The following WDR70 variants were observed in gnomAD, a reference collection of about 807,000 sequenced individuals.
WDR70 encodes WD repeat domain 70.
WDR70 carries 53 observed loss-of-function variants against 88.6 expected under a neutral mutation model. That is an observed-to-expected ratio of 0.60 (90% confidence interval 0.48 to 0.75). The LOEUF (loss-of-function observed/expected upper bound fraction) is 0.75. Ranked by LOEUF, WDR70 falls within the 30% of genes least tolerant of loss-of-function variation. WDR70 has a pLI of 0.00. For missense variants in WDR70, 610 were observed against 823.2 expected (o/e 0.74, Z 3.17); for synonymous variants, 280 against 270.0 (o/e 1.04, Z -0.36).
At chr5:37,413,292 G>A (rs1476093395) in intron 5 of WDR70, among the ~76,000 whole-genome samples, 1 of 152,164 alleles carries the variant, frequency 6.6e-6, no homozygotes, top group African/African-American at 2.4e-5. Flanking sequence ...TATAAATAAT[G>A]TCTTCTACAG....
At chr5:37,569,480 C>T (rs1399441174) in intron 9 of WDR70, among the ~76,000 whole-genome samples, 1 of 152,078 alleles carries the variant, frequency 6.6e-6, no homozygotes, top group African/African-American at 2.4e-5. Context: ...GTTTTAATGT[C>T]CTTTGATAAT....
intron 9 of WDR70, among the ~76,000 whole-genome samples, chr5:37,534,084 G>A (rs780560544): frequency 6.6e-6 from 1 of 152,156 alleles, no homozygotes; most frequent in Admixed American, 6.5e-5. Flanking sequence ...ATCCAGGGCT[G>A]CAAGACCTGA....
intron 10 of WDR70, among the ~76,000 whole-genome samples, chr5:37,629,889 C>T (rs939345744): frequency 1.2e-4 from 18 of 151,796 alleles, no homozygotes; most frequent in Non-Finnish European, 2.2e-4. Context: ...ATCTGGTGGT[C>T]GCCTCTTCCA....
chr5:37,528,526 G>A (rs2112297634), intron 9 of WDR70, among the ~76,000 whole-genome samples: 1 of 152,222 alleles, frequency 6.6e-6, no homozygotes, highest in South Asian at 2.1e-4. Flanking sequence ...TATACCTAAT[G>A]TAAATGATGA....
chr5:37,499,587 T>TTTTCTCTCTCTCTCTCTCTTTCTCTC (rs1554144047), intron 8 of WDR70, among the ~76,000 whole-genome samples: 3 of 41,866 alleles, frequency 7.2e-5, no homozygotes, highest in African/African-American at 1.8e-4. Flanking sequence ...TTTGGAAATA[T>TTTTCTCTCTCTCTCTCTCTTTCTCTC]TCTCTCTCTC....
In WDR70 at chr5:37,563,761, G is replaced by T. The variant is rs569305719; in HGVS notation, c.918-41303G>T. 1.0e-3 allele frequency among the ~76,000 whole-genome samples: 116 copies of T among 114,838 alleles called. 1 individual carries two copies. The highest frequency in any genetic ancestry group is 2.0e-3 in the East Asian group (7 of 3,586). The allele number at this position is 114,838 out of a possible 152,430, so 75.3% of individuals were successfully genotyped here. A position where few individuals can be genotyped will look rare whatever the true frequency, so the allele number is the denominator to read the frequency against. Reference sequence around the variant, plus strand: ...GCTGCCGGGCGGAGATGCTCCTCACGTCCCAGACGGAGTGGCTGCCGGGCG... The same window carrying T: ...GCTGCCGGGCGGAGATGCTCCTCACTTCCCAGACGGAGTGGCTGCCGGGCG... On this transcript the variant is annotated intron_variant, in intron 9 of 17. Transcript: ENST00000265107.
chr5:37,683,255 G>T (rs138498058), intron 10 of WDR70, among the ~76,000 whole-genome samples: 1 of 152,042 alleles, frequency 6.6e-6, no homozygotes, highest in South Asian at 2.1e-4. Context: ...GACAACATAC[G>T]ATTTGGTCTT....
Position 37,752,790 on chromosome 5 carries a change from C to T in WDR70, c.*217C>T. 2.2e-6 allele frequency: 1 copy of T among 454,390 alleles called. No homozygotes were observed. 28.1% of individuals were successfully genotyped at this position (454,390 alleles called of 1,614,324 possible). The stretch of plus-strand genomic sequence containing the variant: ...AAACTGATTACAGATAAACAAGAAA[C>T]AGATTCTTAGTCTATTACCAAGTAC... On this transcript the variant is annotated 3_prime_UTR_variant, in exon 18 of 18. Coordinates refer to ENST00000265107, the MANE Select transcript of WDR70 (RefSeq NM_018034.4).
intron 10 of WDR70, among the ~76,000 whole-genome samples, chr5:37,615,307 A>G (rs547964962): frequency 6.6e-6 from 1 of 152,206 alleles, no homozygotes; most frequent in Admixed American, 6.5e-5. Flanking sequence ...AAAAAAAGTG[A>G]TTTTCCAGAG....
intron 10 of WDR70, among the ~76,000 whole-genome samples, chr5:37,662,785 G>T (rs1057172839): frequency 1.3e-5 from 2 of 152,088 alleles, no homozygotes; most frequent in Admixed American, 6.6e-5. Flanking sequence ...AAAGATAAAT[G>T]AAAATACAAT....
intron 5 of WDR70, among the ~76,000 whole-genome samples, chr5:37,421,985 G>A (rs756475913): frequency 3.3e-5 from 5 of 151,896 alleles, no homozygotes; most frequent in Admixed American, 6.6e-5. Context: ...GTCCCAGGAA[G>A]CCAGGTCGCT....
chr5:37,488,661 A>G (rs1056871481), intron 8 of WDR70, among the ~76,000 whole-genome samples: 1 of 152,062 alleles, frequency 6.6e-6, no homozygotes, highest in African/African-American at 2.4e-5. Flanking sequence ...TAATTTATTT[A>G]TCTTTGGTGA....
intron 9 of WDR70, among the ~76,000 whole-genome samples, chr5:37,557,160 C>G (rs1742314172): frequency 6.6e-6 from 1 of 151,514 alleles, no homozygotes; most frequent in Non-Finnish European, 1.5e-5. Flanking sequence ...CTATGGCCAG[C>G]CAGCATGGTT....
intron 8 of WDR70, among the ~76,000 whole-genome samples, chr5:37,512,870 G>A (rs1002488150): frequency 6.6e-6 from 1 of 152,032 alleles, no homozygotes; most frequent in African/African-American, 2.4e-5. Flanking sequence ...CTGGCATGTG[G>A]CACCGCACCC....
intron 10 of WDR70, chr5:37,620,001 T>C (rs1744461612): frequency 6.6e-6 from 1 of 151,262 alleles, no homozygotes; most frequent in Non-Finnish European, 1.5e-5. Flanking sequence ...GTGGAATGCT[T>C]CACAAATTTG....
At chr5:37,558,339 A>G (rs1453824444) in intron 9 of WDR70, among the ~76,000 whole-genome samples, 8 of 151,322 alleles carry the variant, frequency 5.3e-5, no homozygotes, top group Admixed American at 3.3e-4. Flanking sequence ...TTTTTTTGAG[A>G]CAGAATTTTG....
intron 17 of WDR70, among the ~76,000 whole-genome samples, chr5:37,741,451 C>T (rs1311991137): frequency 1.3e-5 from 2 of 152,002 alleles, no homozygotes; most frequent in Admixed American, 6.5e-5. Context: ...GGACTAGTTT[C>T]GTGGAAGACA....
intron 9 of WDR70, among the ~76,000 whole-genome samples, chr5:37,596,615 T>C (rs903092368): frequency 2.6e-5 from 4 of 152,208 alleles, no homozygotes; most frequent in African/African-American, 9.6e-5. Context: ...GAAGGTACCC[T>C]GGTCCTTGAC....
At chr5:37,427,770 C>G (rs1221227829) in intron 5 of WDR70, among the ~76,000 whole-genome samples, 1 of 152,132 alleles carries the variant, frequency 6.6e-6, no homozygotes, top group Non-Finnish European at 1.5e-5. Context: ...GCCTGTAATC[C>G]CAGCTACTCA....
Sources: gnomAD v4.1 joint callset for allele counts (sites outside exome capture counted in the v4.1 genomes callset) on GRCh38, gnomAD v4.1.1 for gene constraint, MANE v1.5 for transcripts, NCBI Gene and HGNC (gene_info 2026-07-23, HGNC 2026-07-21) for gene names.